DNAH9: variants seen among roughly 807,000 people sequenced by gnomAD.
DNAH9 encodes the protein DNAH9 variant protein.
DNAH9 carries 345 observed loss-of-function variants against 471.6 expected under a neutral mutation model. The ratio of observed to expected loss-of-function variants is 0.73; its 90% CI spans 0.67 to 0.80. The LOEUF (loss-of-function observed/expected upper bound fraction) is 0.80, where lower values mean the gene tolerates loss of function less well. DNAH9 is among the 30% of genes least tolerant of loss of function. The pLI is 0.00. For synonymous variants in DNAH9, 2,093 were observed against 2,123.6 expected (o/e 0.99, Z 0.40); for missense variants, 5,407 against 5,609.2 (o/e 0.96, Z 1.15).
intron 45 of DNAH9, among the ~76,000 whole-genome samples, chr17:11,813,757 A>G (rs2150931885): frequency 6.6e-6 from 1 of 152,354 alleles, no homozygotes; most frequent in East Asian, 1.9e-4. Context: ...AAACCATGAT[A>G]GTAATTTGGC....
intron 49 of DNAH9, chr17:11,853,141 CTG>C (rs1392926937): frequency 6.6e-6 from 1 of 151,758 alleles, no homozygotes; most frequent in Non-Finnish European, 1.5e-5. Flanking sequence ...GAACTGGAAA[CTG>C]TATCCAGGGT....
intron 38 of DNAH9, 53 bp from the exon 39 acceptor site, chr17:11,780,956 A>C: frequency 6.4e-7 from 1 of 1,567,790 alleles, no homozygotes; most frequent in Non-Finnish European, 8.7e-7. Context: ...CTGTCTCAGT[A>C]CTGGCATCTG....
intron 67 of DNAH9, among the ~76,000 whole-genome samples, chr17:11,954,162 C>T (rs1398728477): frequency 2.1e-5 from 3 of 142,732 alleles, no homozygotes. Context: ...AAACAAATTA[C>T]TAGGTCCTGT....
At chr17:11,872,935 A>C (rs972342205) in intron 52 of DNAH9, among the ~76,000 whole-genome samples, 1 of 152,204 alleles carries the variant, frequency 6.6e-6, no homozygotes, top group Non-Finnish European at 1.5e-5. Flanking sequence ...ACAAACAAAC[A>C]AAAACAGTCA....
At position 11,810,343 on chromosome 17, in the gene DNAH9, TGCTCATCAATGA is replaced by T. The variant is rs1301708011; in HGVS notation, c.8682_8693del (p.Ile2896_Leu2899del). On this transcript the variant is annotated inframe_deletion, in exon 45 of 69. Transcript: ENST00000262442. ...CAAGTGGCTGATGAGAGGTTCCTTGTGCTCATCAATGATCTTTTGGCATCTGGTAAGAGATTC... is the reference window on the plus strand; with the variant it reads ...CAAGTGGCTGATGAGAGGTTCCTTGTTCTTTTGGCATCTGGTAAGAGATTC... 1 of 1,613,232 alleles carries T rather than the reference TGCTCATCAATGA, an allele frequency of 6.2e-7. No homozygotes were observed. Among genetic ancestry groups the T allele is most frequent in the Non-Finnish European group, 8.5e-7 (1 of 1,179,722 alleles).
At chr17:11,783,541 C>T in intron 39 of DNAH9, 105 bp from the exon 40 acceptor site, 2 of 732,400 alleles carry the variant, frequency 2.7e-6, no homozygotes, top group South Asian at 4.3e-5. Context: ...ACTTTTTTAT[C>T]ACCCAAACAC....
rs764171591 is a variant in DNAH9, at chr17:11,962,143, A to G, written c.13120A>G (p.Met4374Val). 1.2e-6 allele frequency: 2 copies of G among 1,614,158 alleles called. No individual in the cohort carries two copies. Among genetic ancestry groups the G allele is most frequent in the Non-Finnish European group, 1.7e-6 (2 of 1,180,044 alleles). Residue 4374 changes from methionine to valine, a missense_variant, in exon 68 of 69, where the codon ATG (methionine) becomes GTG (valine). By Grantham distance (21) the Met-to-Val change is conservative (BLOSUM62 1). Transcript: ENST00000262442. The surrounding 1 kb of genome is among the most constrained non-coding windows in gnomAD (Gnocchi z 4.1). ...ARKNEWPLDQ[M>V]ALQCDMTKKN... ...CAAGAATGAGTGGCCACTGGACCAG[A>G]TGGCCCTGCAATGTGACATGACGAA...
Position 11,626,953 on chromosome 17 carries a change from C to T in DNAH9, c.1351-2464C>T, listed in dbSNP as rs1343264796. 6.6e-6 allele frequency among the ~76,000 whole-genome samples: 1 copy of T among 152,082 alleles called. No individual in the cohort carries two copies. The highest frequency in any genetic ancestry group is 2.4e-5 in the African/African-American group (1 of 41,408). ...TCCAGGCACTGGAAATACCGAGATA[C>T]CTTTGGGGCATTTACAACTTACTGG... On this transcript the variant is annotated intron_variant, in intron 6 of 68. Coordinates refer to ENST00000262442, the MANE Select transcript of DNAH9 (RefSeq NM_001372.4). The surrounding 1 kb of genome is among the most constrained non-coding windows in gnomAD (Gnocchi z 4.3).
intron 23 of DNAH9, among the ~76,000 whole-genome samples, chr17:11,700,237 G>A (rs1045233135): frequency 6.6e-6 from 1 of 152,162 alleles, no homozygotes; most frequent in African/African-American, 2.4e-5. Flanking sequence ...AGCATCCTCT[G>A]GGAGAATCTG....
intron 49 of DNAH9, among the ~76,000 whole-genome samples, chr17:11,841,910 T>C (rs1352230786): frequency 1.3e-5 from 2 of 152,164 alleles, no homozygotes; most frequent in Non-Finnish European, 2.9e-5. Context: ...CTTTTTCTGT[T>C]CATTACCTAC....
chr17:11,928,082 T>C (rs1256633371), intron 62 of DNAH9, among the ~76,000 whole-genome samples: 1 of 151,452 alleles, frequency 6.6e-6, no homozygotes, highest in East Asian at 1.9e-4. Flanking sequence ...TTTTACAGTA[T>C]ACAAAATCCT....
Position 11,728,859 on chromosome 17 carries a change from C to T in DNAH9, c.5814+937C>T, listed in dbSNP as rs573983381. On this transcript the variant is annotated intron_variant, in intron 28 of 68. Coordinates refer to ENST00000262442, the MANE Select transcript of DNAH9 (RefSeq NM_001372.4). ...TTATGTATGTGGAAAAGCTGAACAT[C>T]AGAGGAGAACTGTATCTTGTCCATG... 3.9e-5 allele frequency among the ~76,000 whole-genome samples: 6 copies of T among 152,314 alleles called. No homozygotes were observed. In the South Asian group the frequency reaches 1.2e-3, roughly 32 times the overall value.
chr17:11,718,947 C>T (rs576682412), intron 26 of DNAH9, among the ~76,000 whole-genome samples: 2 of 152,020 alleles, frequency 1.3e-5, no homozygotes, highest in African/African-American at 4.8e-5. Flanking sequence ...TCATCCAGGT[C>T]GACTTAAAGA....
At chr17:11,850,147 G>A (rs1469445475) in intron 49 of DNAH9, among the ~76,000 whole-genome samples, 1 of 152,220 alleles carries the variant, frequency 6.6e-6, no homozygotes, top group Non-Finnish European at 1.5e-5. Flanking sequence ...GAGAAGCAAT[G>A]AGGCTGGGCA....
intron 1 of DNAH9, among the ~76,000 whole-genome samples, chr17:11,604,355 G>T (rs1023987061): frequency 5.3e-5 from 8 of 151,930 alleles, no homozygotes; most frequent in African/African-American, 1.9e-4. Context: ...ATGGTCCTAC[G>T]GCTCATTCCC....
Position 11,854,243 on chromosome 17 carries a change from T to G in DNAH9, c.9748T>G (p.Phe3250Val). ...AIRPYLQDPE[F>V]NPEFVATKSY... Reference sequence around the variant, plus strand: ...CAGGCCGTATCTGCAAGACCCCGAGTTCAATCCTGAGTTTGTGGCCACCAA... The same window carrying G: ...CAGGCCGTATCTGCAAGACCCCGAGGTCAATCCTGAGTTTGTGGCCACCAA... The change falls in exon 50 of 69, where the codon TTC becomes GTC. Residue 3250 changes from phenylalanine to valine, a missense_variant. Coordinates refer to ENST00000262442, the MANE Select transcript of DNAH9 (RefSeq NM_001372.4). 6.2e-7 allele frequency: 1 copy of G among 1,614,050 alleles called. No individual in the cohort carries two copies. Among genetic ancestry groups the G allele is most frequent in the South Asian group, 1.1e-5 (1 of 91,074 alleles).
intron 13 of DNAH9, among the ~76,000 whole-genome samples, chr17:11,651,955 G>A (rs2073516167): frequency 2.0e-5 from 3 of 151,972 alleles, no homozygotes; most frequent in Non-Finnish European, 2.9e-5. Flanking sequence ...TCACAGGAGA[G>A]GGAGATTAAT....
chr17:11,822,321 C>A, intron 46 of DNAH9, 117 bp from the exon 47 acceptor site: 2 of 1,247,550 alleles, frequency 1.6e-6, no homozygotes, highest in Non-Finnish European at 2.3e-6. Context: ...CAGATATTAT[C>A]TCTGTTGGAT....
rs1172215447 is a variant in DNAH9, at chr17:11,635,349, T to A, written c.1636-1285T>A. Among the ~76,000 whole-genome samples the A allele has an allele frequency of 3.8e-5, 5 of 130,010 alleles. 1 individual carries two copies. Among genetic ancestry groups the A allele is most frequent in the African/African-American group, 8.4e-5 (3 of 35,726 alleles). The allele number at this position is 130,010 out of a possible 152,430, so 85.3% of individuals were successfully genotyped here. On this transcript the variant is annotated intron_variant, in intron 8 of 68. Transcript: ENST00000262442. Reference sequence around the variant, plus strand: ...GACTCGCTAATTTTTTTTTTTTTTTTTTTTTTTTTTTTAGTAGAGACGGGT... The same window carrying A: ...GACTCGCTAATTTTTTTTTTTTTTTATTTTTTTTTTTTAGTAGAGACGGGT...
Sources: allele counts gnomAD v4.1 joint callset (sites outside exome capture counted in the v4.1 genomes callset), GRCh38; gene constraint gnomAD v4.1.1; non-coding constraint Gnocchi (gnomAD v3.1); transcripts MANE v1.5; gene names NCBI Gene and HGNC (gene_info 2026-07-23, HGNC 2026-07-21).